RBM33: variants seen among roughly 807,000 people sequenced by gnomAD.
RBM33 encodes the protein RNA-binding protein 33.
Under a neutral mutation model 132.6 loss-of-function variants are expected in RBM33, and 28 were observed. The ratio of observed to expected loss-of-function variants is 0.21; its 90% CI spans 0.16 to 0.29. The LOEUF (loss-of-function observed/expected upper bound fraction) is 0.29, where lower values mean the gene tolerates loss of function less well. Ranked by LOEUF, RBM33 falls within the 10% of genes least tolerant of loss-of-function variation. The pLI is 1.00. For synonymous variants in RBM33, 634 were observed against 593.0 expected, an observed-to-expected ratio of 1.07 and a Z score of -1.01; for missense variants, 1,291 against 1,518.5, an observed-to-expected ratio of 0.85 and a Z score of 2.49.
chr7:155,679,200 CAGT>C (rs1799270459), intron 4 of RBM33, among the ~76,000 whole-genome samples: 1 of 151,840 alleles, frequency 6.6e-6, no homozygotes, highest in South Asian at 2.1e-4. Flanking sequence ...AACAAAAAAT[CAGT>C]AGGTCTTTCA....
chr7:155,770,166 G>T (rs1230846395), intron 16 of RBM33, among the ~76,000 whole-genome samples: 1 of 152,248 alleles, frequency 6.6e-6, no homozygotes, highest in Non-Finnish European at 1.5e-5. Flanking sequence ...GGAAGTGCCA[G>T]AATTGGTGTC....
chr7:155,748,221 AT>A (rs1220730979), intron 14 of RBM33, among the ~76,000 whole-genome samples: 1 of 152,166 alleles, frequency 6.6e-6, no homozygotes, highest in Non-Finnish European at 1.5e-5. Context: ...CGCGTTTCCC[AT>A]TTTTTCTAAC....
rs1380962563 is a variant in RBM33 at position 155,778,773 on chromosome 7, G to A, written c.*3732G>A. 1 of 152,444 alleles carries A rather than the reference G, an allele frequency of 6.6e-6. No homozygotes were observed. Among genetic ancestry groups the A allele is most frequent in the African/African-American group, 2.4e-5 (1 of 41,418 alleles). The allele number at this position is 152,444 out of a possible 1,614,324, so 9.4% of individuals were successfully genotyped here. On this transcript the variant is annotated 3_prime_UTR_variant, in exon 18 of 18. Coordinates refer to ENST00000401878, the MANE Select transcript of RBM33 (RefSeq NM_053043.3). This position sits in a 1 kb window ranked among gnomAD's most constrained non-coding sequence, Gnocchi z 4.0. ...TTGTTGTTTTTGTTTTGTTCTGTTT[G>A]TTTTGTTTTGTATTTCTTTGTTATT...
intron 1 of RBM33, among the ~76,000 whole-genome samples, chr7:155,654,860 A>G (rs567735846): frequency 6.6e-6 from 1 of 152,278 alleles, no homozygotes; most frequent in Admixed American, 6.5e-5. Context: ...ATTTGTCCTC[A>G]CATTATATGT....
chr7:155,766,808 T>C, intron 16 of RBM33, 153 bp downstream of exon 16: 1 of 721,944 alleles, frequency 1.4e-6, no homozygotes, highest in Non-Finnish European at 2.3e-6. Context: ...GCATACTTAG[T>C]ATCAGAACAT....
intron 5 of RBM33, among the ~76,000 whole-genome samples, chr7:155,684,571 A>G (rs1286499435): frequency 6.6e-6 from 1 of 152,208 alleles, no homozygotes; most frequent in Non-Finnish European, 1.5e-5. Flanking sequence ...AGAGTTGGGC[A>G]TGATTTCAGC....
chr7:155,647,428 T>A (rs1798230623), intron 1 of RBM33, among the ~76,000 whole-genome samples: 1 of 152,174 alleles, frequency 6.6e-6, no homozygotes, highest in South Asian at 2.1e-4. Context: ...GAGTGTTTGC[T>A]TATTTTTTAC....
At chr7:155,740,095 A>G in intron 12 of RBM33, 69 bp downstream of exon 12, 2 of 1,447,462 alleles carry the variant, frequency 1.4e-6, no homozygotes, top group Non-Finnish European at 9.1e-7. Context: ...CTTGAGGGGC[A>G]TAATATGTAG....
At chr7:155,684,062 ATGTGT>A (rs941584948) in intron 5 of RBM33, among the ~76,000 whole-genome samples, 16 of 152,304 alleles carry the variant, frequency 1.1e-4, no homozygotes, top group Admixed American at 6.5e-4. Flanking sequence ...GGAAAATAAA[ATGTGT>A]TGTGTTCAGA....
chr7:155,677,969 C>G (rs940408421), intron 3 of RBM33, among the ~76,000 whole-genome samples: 1 of 152,050 alleles, frequency 6.6e-6, no homozygotes, highest in Non-Finnish European at 1.5e-5. Context: ...GAATAACACC[C>G]CCCCAACCTA....
intron 11 of RBM33, 143 bp from the exon 12 acceptor site, chr7:155,739,572 C>A: frequency 1.2e-6 from 1 of 833,720 alleles, no homozygotes; most frequent in Non-Finnish European, 1.8e-6. Flanking sequence ...GATAGTATTA[C>A]CTTCATCAGC....
chr7:155,667,405 G>A (rs953525632), intron 2 of RBM33, among the ~76,000 whole-genome samples: 3 of 152,032 alleles, frequency 2.0e-5, no homozygotes, highest in Non-Finnish European at 4.4e-5. Context: ...CTAGTGTGCC[G>A]TGCCCAGTTG....
At chr7:155,700,691 A>T (rs1799936279) in intron 5 of RBM33, 82 bp from the exon 6 acceptor site, 12 of 1,054,538 alleles carry the variant, frequency 1.1e-5, no homozygotes, top group Non-Finnish European at 1.6e-5. Context: ...TAAACAATTA[A>T]ATATTTTAGC....
Position 155,680,641 on chromosome 7 carries a change from A to T in RBM33, c.300A>T (p.Ser100=), listed in dbSNP as rs760382059. ...ATGCTACATCTGGCATGGTTACATC[A>T]TTTGAACTCTCTGACAACACTAACG... The part of the protein sequence containing the change: ...SLNATSGMVT[S]FELSDNTNDQ... The change falls in exon 5 of 18, where the codon TCA becomes TCT. Residue 100 remains serine (S), a synonymous_variant. Transcript: ENST00000401878. 1 of 1,608,790 alleles carries T rather than the reference A, an allele frequency of 6.2e-7. No homozygotes were observed. The highest frequency in any genetic ancestry group is 8.5e-7 in the Non-Finnish European group (1 of 1,177,948).
rs753241598 is a variant in RBM33 at position 155,777,939 on chromosome 7, CTTCTT to C, written c.*2906_*2910del. 1 of 152,648 alleles carries C rather than the reference CTTCTT, an allele frequency of 6.6e-6. No individual in the cohort carries two copies. Among genetic ancestry groups the C allele is most frequent in the South Asian group, 2.1e-4 (1 of 4,834 alleles). 9.5% of individuals were successfully genotyped at this position (152,648 alleles called of 1,614,324 possible). On this transcript the variant is annotated 3_prime_UTR_variant, in exon 18 of 18. Transcript: ENST00000401878. Reference sequence around the variant, plus strand: ...TAGCTGATTATGTGGAGCCAAGTTACTTCTTTTCTTTTTGCATTATCTTGTTTTGG... The same window carrying C: ...TAGCTGATTATGTGGAGCCAAGTTACTTCTTTTTGCATTATCTTGTTTTGG...
chr7:155,731,176 A>T (rs184978010), intron 9 of RBM33, among the ~76,000 whole-genome samples: 1 of 152,224 alleles, frequency 6.6e-6, no homozygotes, highest in African/African-American at 2.4e-5. Context: ...TGCCTTATCT[A>T]TAATGAGAAA....
Position 155,658,476 on chromosome 7 carries a change from C to T in RBM33, c.44-6699C>T, listed in dbSNP as rs764181463. On this transcript the variant is annotated intron_variant, in intron 1 of 17. Transcript: ENST00000401878. The stretch of plus-strand genomic sequence containing the variant: ...GATCTTGGCCCACTGCAACCTCTGG[C>T]CCACTGCAACCTCCGCGGGGTTCAA... Among the ~76,000 whole-genome samples, 62 of 150,226 alleles carry T rather than the reference C, an allele frequency of 4.1e-4. No homozygotes were observed. The Middle Eastern group carries it at 0.017, about 41-fold the overall frequency.
intron 13 of RBM33, among the ~76,000 whole-genome samples, chr7:155,743,683 TATA>T (rs1244885635): frequency 6.6e-6 from 1 of 152,226 alleles, no homozygotes; most frequent in Non-Finnish European, 1.5e-5. Flanking sequence ...TTGATGATGA[TATA>T]ATAAAGGGTG....
At chr7:155,679,126 T>C (rs1361520325) in intron 4 of RBM33, among the ~76,000 whole-genome samples, 1 of 152,086 alleles carries the variant, frequency 6.6e-6, no homozygotes, top group East Asian at 1.9e-4. Context: ...GAGCCGAGAT[T>C]GTGCCACTGC....
Sources: gnomAD v4.1 joint callset for allele counts (sites outside exome capture counted in the v4.1 genomes callset) on GRCh38, gnomAD v4.1.1 for gene constraint, Gnocchi (gnomAD v3.1) non-coding constraint, MANE v1.5 for transcripts, NCBI Gene and HGNC (gene_info 2026-07-23, HGNC 2026-07-21) for gene names.